The following NKAIN3 variants were observed in gnomAD, a reference collection of about 807,000 sequenced individuals.
NKAIN3 encodes the protein sodium/potassium-transporting ATPase subunit beta-1-interacting protein 3.
A neutral mutation model predicts 30.2 loss-of-function variants in NKAIN3; 25 were observed. That is an observed-to-expected ratio of 0.83 (90% CI 0.60 to 1.16). The LOEUF (loss-of-function observed/expected upper bound fraction) is 1.16, where lower values mean the gene tolerates loss of function less well. Ranked by LOEUF, NKAIN3 falls within the 50% of genes most tolerant of loss-of-function variation. The pLI is 0.00. For missense variants in NKAIN3, 225 were observed against 254.1 expected, an observed-to-expected ratio of 0.89 and a Z score of 0.78; for synonymous variants, 91 against 89.6, an observed-to-expected ratio of 1.02 and a Z score of -0.09.
At chr8:62,798,004 C>G (rs1334053266) in intron 4 of NKAIN3, among the ~76,000 whole-genome samples, 1 of 152,146 alleles carries the variant, frequency 6.6e-6, no homozygotes, top group African/African-American at 2.4e-5. Flanking sequence ...TCACTTAATT[C>G]TCAAAATGAC....
rs569933177 is a variant in NKAIN3 at position 62,677,378 on chromosome 8, C to T, written c.274-69554C>T. 1.6e-4 allele frequency among the ~76,000 whole-genome samples: 25 copies of T among 152,290 alleles called. No individual in the cohort carries two copies. In the South Asian group the frequency reaches 5.2e-3, roughly 32 times the overall value. The stretch of plus-strand genomic sequence containing the variant: ...CAAGGATGCTGGGCCTTTGCACTCT[C>T]TTATAGAGTATTGGATGTGAGAAGG... On this transcript the variant is annotated intron_variant, in intron 3 of 6. Transcript: ENST00000623646.
chr8:62,635,329 A>AT (rs1812093807), intron 3 of NKAIN3, among the ~76,000 whole-genome samples: 1 of 152,170 alleles, frequency 6.6e-6, no homozygotes, highest in South Asian at 2.1e-4. Context: ...ATATATACAT[A>AT]TGAAGAGATT....
At chr8:62,552,766 G>T (rs191751420) in intron 1 of NKAIN3, among the ~76,000 whole-genome samples, 1 of 152,116 alleles carries the variant, frequency 6.6e-6, no homozygotes, top group Non-Finnish European at 1.5e-5. Flanking sequence ...CATTAAAAAC[G>T]CCACTTCTCC....
chr8:62,434,261 C>T (rs1399123244), intron 1 of NKAIN3, among the ~76,000 whole-genome samples: 1 of 152,154 alleles, frequency 6.6e-6, no homozygotes, highest in African/African-American at 2.4e-5. Flanking sequence ...AGTTGAGCAG[C>T]ATTTAGACAC....
chr8:62,914,751 T>A (rs1563625464), intron 4 of NKAIN3, among the ~76,000 whole-genome samples: 1 of 151,780 alleles, frequency 6.6e-6, no homozygotes, highest in Non-Finnish European at 1.5e-5. Flanking sequence ...TTTCTTTTTT[T>A]AAGTTTTTTG....
In NKAIN3 at chr8:62,968,077, C is replaced by A. The variant is rs1823752279; in HGVS notation, c.*2670C>A. ...TAACTGTTTCAATCTCCAACCTCAG[C>A]AATCCATAAAGATTGTCCTAACATT... is the stretch of plus-strand genomic sequence containing the variant. On this transcript the variant is annotated 3_prime_UTR_variant, in exon 7 of 7. Coordinates refer to ENST00000623646, the MANE Select transcript of NKAIN3 (RefSeq NM_001304533.3). 1.3e-5 allele frequency among the ~76,000 whole-genome samples: 2 copies of A among 152,192 alleles called. No homozygotes were observed. The highest frequency in any genetic ancestry group is 4.1e-4 in the South Asian group (2 of 4,834).
chr8:62,527,387 G>C (rs1808337714), intron 1 of NKAIN3, among the ~76,000 whole-genome samples: 1 of 152,120 alleles, frequency 6.6e-6, no homozygotes, highest in African/African-American at 2.4e-5. Context: ...TGGAATTTGA[G>C]GCTAACCAAA....
At chr8:62,708,512 A>G (rs1165785913) in intron 3 of NKAIN3, among the ~76,000 whole-genome samples, 1 of 152,086 alleles carries the variant, frequency 6.6e-6, no homozygotes, top group Non-Finnish European at 1.5e-5. Flanking sequence ...TCTTGATTTG[A>G]GTCTCCAGTT....
At chr8:62,788,581 T>C (rs1817599669) in intron 4 of NKAIN3, among the ~76,000 whole-genome samples, 1 of 152,196 alleles carries the variant, frequency 6.6e-6, no homozygotes, top group Non-Finnish European at 1.5e-5. Context: ...GCCATTGCTT[T>C]TGGTGTTTTA....
At chr8:62,471,190 A>G (rs1806328560) in intron 1 of NKAIN3, among the ~76,000 whole-genome samples, 1 of 152,138 alleles carries the variant, frequency 6.6e-6, no homozygotes, top group Admixed American at 6.5e-5. Flanking sequence ...GTAGAAGTTC[A>G]TAAACATGCA....
At chr8:62,425,006 G>C (rs1804763452) in intron 1 of NKAIN3, among the ~76,000 whole-genome samples, 1 of 151,822 alleles carries the variant, frequency 6.6e-6, no homozygotes, top group Non-Finnish European at 1.5e-5. Flanking sequence ...CAACCTTGAG[G>C]ACATTATGTT....
intron 4 of NKAIN3, among the ~76,000 whole-genome samples, chr8:62,808,018 T>C (rs1818359900): frequency 6.6e-6 from 1 of 152,138 alleles, no homozygotes; most frequent in South Asian, 2.1e-4. Context: ...GTTAAACTAA[T>C]TTAAAATTTT....
chr8:62,364,662 AC>A (rs1396963425), intron 1 of NKAIN3, among the ~76,000 whole-genome samples: 1 of 151,712 alleles, frequency 6.6e-6, no homozygotes, highest in South Asian at 2.1e-4. Context: ...ACACCGTGAC[AC>A]CCCATCTCTA....
intron 1 of NKAIN3, among the ~76,000 whole-genome samples, chr8:62,566,123 G>A (rs4348485): frequency 6.6e-6 from 1 of 152,000 alleles, no homozygotes; most frequent in Non-Finnish European, 1.5e-5. Context: ...GAAATGCTTT[G>A]TTCTACCTTT....
intron 4 of NKAIN3, among the ~76,000 whole-genome samples, chr8:62,812,758 A>G (rs1818531332): frequency 6.6e-6 from 1 of 151,860 alleles, no homozygotes. Flanking sequence ...TGAAGACTAA[A>G]TTTATTCAAT....
At chr8:62,797,460 A>G (rs1171404362) in intron 4 of NKAIN3, among the ~76,000 whole-genome samples, 1 of 152,196 alleles carries the variant, frequency 6.6e-6, no homozygotes, top group Non-Finnish European at 1.5e-5. Context: ...CATCCTTTTT[A>G]TACTTGAGAT....
At chr8:62,273,558 A>G (rs1303124564) in intron 1 of NKAIN3, among the ~76,000 whole-genome samples, 2 of 152,186 alleles carry the variant, frequency 1.3e-5, no homozygotes, top group African/African-American at 2.4e-5. Flanking sequence ...TCTGTTCTTT[A>G]TAGGAAGTAC....
chr8:62,962,260 A>C (rs11988327), intron 6 of NKAIN3, among the ~76,000 whole-genome samples: 3,495 of 152,302 alleles, frequency 0.023, 54 homozygotes, highest in South Asian at 0.032. Context: ...ATTCTTATGA[A>C]AGATTTTTAA....
intron 4 of NKAIN3, among the ~76,000 whole-genome samples, chr8:62,818,275 CTA>C (rs767432885): frequency 6.6e-6 from 1 of 152,112 alleles, no homozygotes; most frequent in Non-Finnish European, 1.5e-5. Context: ...ATTCAATGTA[CTA>C]TGTTTGCAAC....
Sources: allele counts gnomAD v4.1 joint callset (sites outside exome capture counted in the v4.1 genomes callset), GRCh38; gene constraint gnomAD v4.1.1; transcripts MANE v1.5; gene names NCBI Gene and HGNC (gene_info 2026-07-23, HGNC 2026-07-21).